C3orf49: variants seen among roughly 807,000 people sequenced by gnomAD.
C3orf49 encodes the protein putative uncharacterized protein C3orf49.
Under a neutral mutation model 13.3 loss-of-function variants are expected in C3orf49, and 27 were observed. The ratio of observed to expected loss-of-function variants is 2.02; its 90% CI spans 1.49 to 2.79. The LOEUF (loss-of-function observed/expected upper bound fraction) is 2.79. Among genes scored for constraint, C3orf49 ranks in the 30% most tolerant of loss-of-function variants. The probability of loss-of-function intolerance (pLI) is 0.00; values close to 1 mark genes in which losing one functional copy is unlikely to be tolerated. For missense variants in C3orf49, 242 were observed against 134.2 expected, an observed-to-expected ratio of 1.80 and a Z score of -3.97; for synonymous variants, 87 against 47.6, an observed-to-expected ratio of 1.83 and a Z score of -3.40.
At chr3:63,809,183 T>G in the C3orf49 span, among the ~76,000 whole-genome samples, 2 of 152,190 alleles carry the variant, frequency 1.3e-5, no homozygotes, top group Non-Finnish European at 2.9e-5. Context: ...AACCATAAAA[T>G]TTGTTAACTA....
chr3:63,793,114 A>G, the C3orf49 span, among the ~76,000 whole-genome samples: 1 of 152,150 alleles, frequency 6.6e-6, no homozygotes, highest in Non-Finnish European at 1.5e-5. Context: ...AACCCCAAAG[A>G]GCTCTTTCTG....
At chr3:63,847,557 C>T (rs1034546807) in intron 6 of C3orf49, among the ~76,000 whole-genome samples, 5 of 152,028 alleles carry the variant, frequency 3.3e-5, no homozygotes, top group Admixed American at 6.6e-5. Flanking sequence ...GCCAACAAGG[C>T]GAAACCCTGT....
intron 1 of C3orf49, among the ~76,000 whole-genome samples, chr3:63,822,269 C>G (rs1271581842): frequency 6.6e-6 from 1 of 152,240 alleles, no homozygotes; most frequent in African/African-American, 2.4e-5. Flanking sequence ...GCCACCGCGC[C>G]TGGCCCCCTC....
At chr3:63,804,429 T>C in the C3orf49 span, among the ~76,000 whole-genome samples, 3 of 152,176 alleles carry the variant, frequency 2.0e-5, no homozygotes, top group Non-Finnish European at 4.4e-5. Context: ...TCTCTTTGGC[T>C]CCTGTCACAT....
At chr3:63,802,180 G>A in the C3orf49 span, among the ~76,000 whole-genome samples, 4 of 152,114 alleles carry the variant, frequency 2.6e-5, no homozygotes, top group South Asian at 2.1e-4. Flanking sequence ...TCTCATTTCC[G>A]TTGATTTATC....
chr3:63,796,450 A>G, the C3orf49 span, among the ~76,000 whole-genome samples: 1 of 152,116 alleles, frequency 6.6e-6, no homozygotes, highest in Admixed American at 6.6e-5. Context: ...CTACATCTCC[A>G]ATGTCTTCTT....
intron 5 of C3orf49, among the ~76,000 whole-genome samples, chr3:63,842,018 C>T (rs1701770845): frequency 6.6e-6 from 1 of 152,106 alleles, no homozygotes; most frequent in Admixed American, 6.6e-5. Flanking sequence ...AGGAAAACAA[C>T]ATCTAAGGCA....
chr3:63,839,442 C>T (rs1701707856), intron 5 of C3orf49, among the ~76,000 whole-genome samples: 1 of 152,146 alleles, frequency 6.6e-6, no homozygotes, highest in Non-Finnish European at 1.5e-5. Context: ...ATCTTCATTT[C>T]TCCTTACCAA....
the C3orf49 span, among the ~76,000 whole-genome samples, chr3:63,793,623 A>T: frequency 1.3e-5 from 2 of 151,584 alleles, no homozygotes; most frequent in African/African-American, 4.8e-5. Context: ...ATCCACTGCC[A>T]CTATTTAAAA....
intron 5 of C3orf49, among the ~76,000 whole-genome samples, chr3:63,840,048 C>T (rs529568276): frequency 1.3e-5 from 2 of 152,132 alleles, no homozygotes; most frequent in South Asian, 2.1e-4. Context: ...ATTCTAGGGG[C>T]TGGAGTAATA....
At chr3:63,838,367 T>C (rs767437831) in intron 5 of C3orf49, 1 of 1,462,426 alleles carries the variant, frequency 6.8e-7, no homozygotes, top group Non-Finnish European at 9.4e-7. Context: ...ATTAAGATTC[T>C]TTACCTATTT....
rs1376255700 is a variant in C3orf49 at position 63,838,438 on chromosome 3, T to G, written c.850-6585T>G. On this transcript the variant is annotated intron_variant, in intron 5 of 6. Coordinates refer to ENST00000295896, the MANE Select transcript of C3orf49 (RefSeq NM_001355236.2). ...AGATTCATATCATATACTAGTAAAG[T>G]TTTGCCCATTGAAAATTCACATTGA... 5 of 1,609,318 alleles carry G rather than the reference T, an allele frequency of 3.1e-6. No individual in the cohort carries two copies. The South Asian group carries it at 5.5e-5, about 18-fold the overall frequency.
rs751573300 is a variant in C3orf49, at chr3:63,835,345, A to C, written c.849+3501A>C. On this transcript the variant is annotated intron_variant, in intron 5 of 6. Transcript: ENST00000295896. ...ATACCTTATCTTCAACACTTTCTTT[A>C]ATGTGTGAAAGATGCTCTAATTCTT... is the stretch of plus-strand genomic sequence containing the variant. 3.7e-6 allele frequency: 6 copies of C among 1,613,430 alleles called. No homozygotes were observed. The African/African-American group carries it at 8.0e-5, about 22-fold the overall frequency.
At chr3:63,801,803 C>T in the C3orf49 span, among the ~76,000 whole-genome samples, 1 of 146,016 alleles carries the variant, frequency 6.8e-6, no homozygotes, top group East Asian at 2.0e-4. Context: ...TCAAGGAGCT[C>T]CCTTAACCAA....
intron 1 of C3orf49, among the ~76,000 whole-genome samples, chr3:63,819,917 T>C (rs555189735): frequency 2.0e-5 from 3 of 152,324 alleles, no homozygotes; most frequent in African/African-American, 7.2e-5. Flanking sequence ...AAAATACTAT[T>C]ATTTTGAAAA....
At chr3:63,798,169 T>C in the C3orf49 span, among the ~76,000 whole-genome samples, 1 of 152,194 alleles carries the variant, frequency 6.6e-6, no homozygotes, top group African/African-American at 2.4e-5. Flanking sequence ...TAATGTGCTG[T>C]GTATTGTTAA....
At chr3:63,807,506 A>G in the C3orf49 span, among the ~76,000 whole-genome samples, 1 of 152,144 alleles carries the variant, frequency 6.6e-6, no homozygotes, top group Non-Finnish European at 1.5e-5. Context: ...TCATGTTTTC[A>G]AATGACTGAG....
At chr3:63,815,988 G>A, upstream of C3orf49, among the ~76,000 whole-genome samples, 1 of 151,538 alleles carries the variant, frequency 6.6e-6, no homozygotes, top group Non-Finnish European at 1.5e-5. Flanking sequence ...GTTTCACCGT[G>A]TTGGCCAGGA....
intron 5 of C3orf49, chr3:63,834,251 T>C (rs1425961606): frequency 1.9e-6 from 3 of 1,560,270 alleles, no homozygotes. Context: ...CTATATTTTA[T>C]ATTCGATGAA....
Sources: allele counts gnomAD v4.1 joint callset (sites outside exome capture counted in the v4.1 genomes callset), GRCh38; gene constraint gnomAD v4.1.1; transcripts MANE v1.5; gene names NCBI Gene and HGNC (gene_info 2026-07-23, HGNC 2026-07-21).